Variants in BSN observed in about 807,000 individuals in gnomAD.
The protein encoded by BSN is bassoon presynaptic cytomatrix protein, also known as protein bassoon.
A neutral mutation model predicts 264.8 loss-of-function variants in BSN; 57 were observed. That is an observed-to-expected ratio of 0.22 (90% CI 0.17 to 0.27). The LOEUF (loss-of-function observed/expected upper bound fraction) is 0.27, where lower values mean the gene tolerates loss of function less well. BSN is among the 10% of genes least tolerant of loss of function. The pLI is 1.00. For synonymous variants in BSN, 2,059 were observed against 2,137.3 expected (o/e 0.96, Z 1.01); for missense variants, 4,615 against 5,232.5 (o/e 0.88, Z 3.64).
At chr3:49,612,192 G>A (rs1452298460) in intron 1 of BSN, among the ~76,000 whole-genome samples, 2 of 150,740 alleles carry the variant, frequency 1.3e-5, no homozygotes, top group Non-Finnish European at 2.9e-5. Flanking sequence ...CTGGAGTGCA[G>A]TGGTGCAATC....
chr3:49,660,979 C>T lies in BSN; in HGVS notation c.9134C>T (p.Pro3045Leu), dbSNP rs542682997. The T allele has an allele frequency of 3.1e-6, 5 of 1,611,726 alleles. No homozygotes were observed. The highest frequency in any genetic ancestry group is 4.2e-6 in the Non-Finnish European group (5 of 1,179,984). ...FPATAAAPATPSGPTAFQQPR... is the reference protein window; with the variant it reads ...FPATAAAPATLSGPTAFQQPR... ...GCCACTGCCGCTGCTCCTGCCACCC[C>T]CTCTGGTCCCACTGCCTTCCAGCAG... Residue 3045 changes from proline to leucine, a missense_variant, in exon 6 of 12, where the codon CCC becomes CTC. Pro to Leu is a moderately conservative substitution (Grantham distance 98, BLOSUM62 -3). Around this residue, in one of 3 missense-constraint regions of BSN, gnomAD observed 3,415 missense variants for 3,866.4 expected, o/e 0.88. Coordinates refer to ENST00000296452, the MANE Select transcript of BSN (RefSeq NM_003458.4). This position sits in a 1 kb window ranked among gnomAD's most constrained non-coding sequence, Gnocchi z 7.1.
chr3:49,633,384 C>G (rs2052396363), intron 2 of BSN, among the ~76,000 whole-genome samples: 1 of 151,724 alleles, frequency 6.6e-6, no homozygotes, highest in Non-Finnish European at 1.5e-5. Flanking sequence ...CGGTGAGATA[C>G]CATCTCATAC....
In BSN at chr3:49,655,504, C is replaced by T; in HGVS notation, c.5948C>T (p.Ser1983Phe). The change falls in exon 5 of 12, where the codon TCC becomes TTC. Residue 1983 changes from serine (S) to phenylalanine (F), a missense_variant. Transcript: ENST00000296452. ...PQGLPGRLYSSMSDTNLAEAG... is the reference protein window; with the variant it reads ...PQGLPGRLYSFMSDTNLAEAG... ...GGCCTGCCTGGTAGGCTGTACTCCT[C>T]CATGTCTGACACCAATTTGGCTGAG... 7 of 1,606,698 alleles carry T rather than the reference C, an allele frequency of 4.4e-6. No homozygotes were observed. The highest frequency in any genetic ancestry group is 6.0e-6 in the Non-Finnish European group (7 of 1,176,062).
intron 1 of BSN, among the ~76,000 whole-genome samples, chr3:49,619,621 A>G (rs1447241758): frequency 1.3e-5 from 2 of 152,238 alleles, no homozygotes; most frequent in Non-Finnish European, 2.9e-5. Context: ...AGCAGTTACT[A>G]TGTGACAGGT....
downstream of BSN, among the ~76,000 whole-genome samples, chr3:49,673,113 TTTAC>T (rs2052850969): frequency 7.4e-6 from 1 of 135,890 alleles, no homozygotes; most frequent in African/African-American, 2.7e-5. Flanking sequence ...TTTTTTTTTT[TTTAC>T]TTAACTAGTT....
chr3:49,581,454 CTATTT>C (rs1313300951), intron 1 of BSN, among the ~76,000 whole-genome samples: 1 of 152,130 alleles, frequency 6.6e-6, no homozygotes, highest in African/African-American at 2.4e-5. Context: ...TATAACTGTT[CTATTT>C]TATTATTAGT....
At position 49,652,822 on chromosome 3, in the gene BSN, G is replaced by C; in HGVS notation, c.3266G>C (p.Arg1089Pro). The C allele has an allele frequency of 6.4e-7, 1 of 1,573,240 alleles. No homozygotes were observed. The highest frequency in any genetic ancestry group is 8.6e-7 in the Non-Finnish European group (1 of 1,158,490). Residue 1089 changes from arginine to proline, a missense_variant, in exon 5 of 12, where the codon CGC (arginine) becomes CCC (proline). Transcript: ENST00000296452. ...EELRAQRRRE[R>P]SKTPPSNLSP... ...CTGCGGGCCCAGCGGAGGCGAGAGCGCTCCAAGACACCACCCAGTAACTTG... is the reference window on the plus strand; with the variant it reads ...CTGCGGGCCCAGCGGAGGCGAGAGCCCTCCAAGACACCACCCAGTAACTTG...
Position 49,662,457 on chromosome 3 carries a change from C to T in BSN, c.10612C>T (p.Pro3538Ser). 1 of 1,613,724 alleles carries T rather than the reference C, an allele frequency of 6.2e-7. No individual in the cohort carries two copies. The highest frequency in any genetic ancestry group is 8.5e-7 in the Non-Finnish European group (1 of 1,180,042). ...CPQFCSSHSM[P>S]DVQEHVKDGP... is the part of the protein sequence containing the mutation. ...ACAGTTCTGCTCCAGCCACTCCATG[C>T]CTGATGTCCAGGAACATGTCAAGGA... is the stretch of plus-strand genomic sequence containing the variant. The change falls in exon 6 of 12, where the codon CCT (proline) becomes TCT (serine). Residue 3538 changes from proline (P) to serine (S), a missense_variant. By Grantham distance (74) the Pro-to-Ser change is moderately conservative. Coordinates refer to ENST00000296452, the MANE Select transcript of BSN (RefSeq NM_003458.4).
chr3:49,612,591 A>G (rs2052217224), intron 1 of BSN, among the ~76,000 whole-genome samples: 1 of 152,186 alleles, frequency 6.6e-6, no homozygotes, highest in South Asian at 2.1e-4. Context: ...AGTATCTTTG[A>G]GCCCTGTGTG....
At position 49,654,865 on chromosome 3, in the gene BSN, G is replaced by T. The variant is rs2052582483; in HGVS notation, c.5309G>T (p.Cys1770Phe). Residue 1770 changes from cysteine (C) to phenylalanine (F), a missense_variant, in exon 5 of 12, where the codon TGC (cysteine) becomes TTC (phenylalanine). Physicochemically the swap from Cys to Phe is radical, Grantham distance 205 (BLOSUM62 -2). Around this residue, in one of 3 missense-constraint regions of BSN, gnomAD observed 3,415 missense variants for 3,866.4 expected, o/e 0.88. Transcript: ENST00000296452. The surrounding 1 kb of genome is among the most constrained non-coding windows in gnomAD (Gnocchi z 4.1). ...GGCCAGGGTGGGGGTAGCCCTGTGT[G>T]CCTGGCCCAGGTCAAACAAGTAGAG... ...DFGQGGGSPV[C>F]LAQVKQVEQA... 1 of 1,613,496 alleles carries T rather than the reference G, an allele frequency of 6.2e-7. No individual in the cohort carries two copies. The highest frequency in any genetic ancestry group is 8.5e-7 in the Non-Finnish European group (1 of 1,179,982).
intron 1 of BSN, among the ~76,000 whole-genome samples, chr3:49,605,374 A>T (rs1276615785): frequency 4.4e-5 from 3 of 68,726 alleles, no homozygotes; most frequent in Non-Finnish European, 7.7e-5. Context: ...ATATATATTT[A>T]ATATATAAAT....
chr3:49,668,932 G>A lies in BSN; in HGVS notation c.*1447G>A, dbSNP rs1407751023. On this transcript the variant is annotated 3_prime_UTR_variant, in exon 12 of 12. Coordinates refer to ENST00000296452, the MANE Select transcript of BSN (RefSeq NM_003458.4). ...AGGAGTTAATTGCAAACATGCAATT[G>A]AGAAACTGGATAGATACACTCATAA... The A allele has an allele frequency of 2.6e-5, 4 of 152,468 alleles. No homozygotes were observed. The highest frequency in any genetic ancestry group is 1.3e-4 in the Admixed American group (2 of 15,278). The allele number at this position is 152,468 out of a possible 1,614,324, so 9.4% of individuals were successfully genotyped here.
chr3:49,627,368 T>G (rs190825844), intron 2 of BSN, among the ~76,000 whole-genome samples: 1 of 152,308 alleles, frequency 6.6e-6, no homozygotes, highest in East Asian at 1.9e-4. Flanking sequence ...GGTTTTCAGG[T>G]AGAACCTTCG....
At chr3:49,566,055 C>G (rs760925350) in intron 1 of BSN, among the ~76,000 whole-genome samples, 6 of 152,066 alleles carry the variant, frequency 3.9e-5, no homozygotes, top group African/African-American at 7.2e-5. Flanking sequence ...GAACGCCTTA[C>G]CTCAGGTGAT....
intron 1 of BSN, among the ~76,000 whole-genome samples, chr3:49,613,303 C>CAAGA (rs2052223343): frequency 6.3e-5 from 3 of 47,328 alleles, no homozygotes; most frequent in Admixed American, 3.7e-4. Flanking sequence ...ACACACAGAG[C>CAAGA]GAGAGAGAGA....
At chr3:49,637,668 A>G (rs1457702478) in intron 2 of BSN, among the ~76,000 whole-genome samples, 2 of 152,210 alleles carry the variant, frequency 1.3e-5, no homozygotes, top group Non-Finnish European at 2.9e-5. Flanking sequence ...CTTCTCAGGG[A>G]GAAAGTCCTC....
intron 1 of BSN, among the ~76,000 whole-genome samples, chr3:49,578,777 T>C (rs2051868208): frequency 6.6e-6 from 1 of 152,080 alleles, no homozygotes; most frequent in African/African-American, 2.4e-5. Flanking sequence ...CACTTTCCAT[T>C]CTTCCCCCCT....
intron 2 of BSN, among the ~76,000 whole-genome samples, chr3:49,637,292 G>A (rs1000799052): frequency 6.6e-6 from 1 of 152,088 alleles, no homozygotes; most frequent in Non-Finnish European, 1.5e-5. Flanking sequence ...ACTTCGGGGG[G>A]CTCTCAGAGC....
chr3:49,629,924 C>T (rs2052372260), intron 2 of BSN, among the ~76,000 whole-genome samples: 1 of 152,258 alleles, frequency 6.6e-6, no homozygotes, highest in South Asian at 2.1e-4. Context: ...GGATATTTAA[C>T]CCATACCATC....
Sources: gnomAD v4.1 joint callset for allele counts (sites outside exome capture counted in the v4.1 genomes callset) on GRCh38, gnomAD v4.1.1 for gene constraint, gnomAD v4.1.1 regional missense constraint, Gnocchi (gnomAD v3.1) non-coding constraint, MANE v1.5 for transcripts, NCBI Gene and HGNC (gene_info 2026-07-23, HGNC 2026-07-21) for gene names.